Variants in METAP2 observed in about 807,000 individuals in gnomAD.
METAP2 encodes the protein methionyl aminopeptidase 2.
In METAP2, 25 loss-of-function variants were observed where a neutral mutation model predicts 59.4. That is an observed-to-expected ratio of 0.42 (90% CI 0.31 to 0.59). The LOEUF is 0.59. METAP2 is among the 20% of genes least tolerant of loss of function. METAP2 has a pLI of 0.16. For synonymous variants in METAP2, 214 were observed against 194.1 expected, an observed-to-expected ratio of 1.10 and a Z score of -0.85; for missense variants, 366 against 581.2, an observed-to-expected ratio of 0.63 and a Z score of 3.81.
At chr12:95,500,127 C>T (rs548474831) in intron 7 of METAP2, among the ~76,000 whole-genome samples, 1 of 151,312 alleles carries the variant, frequency 6.6e-6, no homozygotes, top group Admixed American at 6.6e-5. Flanking sequence ...TAATGTGTTT[C>T]ACCTTCTTGG....
intron 4 of METAP2, among the ~76,000 whole-genome samples, chr12:95,491,773 A>T (rs181038270): frequency 6.6e-6 from 1 of 150,960 alleles, no homozygotes; most frequent in East Asian, 2.0e-4. Context: ...TGCCCTCCCA[A>T]AGTGCTAGGA....
chr12:95,514,031 A>G lies in METAP2; in HGVS notation c.*127A>G. 2 of 1,158,568 alleles carry G rather than the reference A, an allele frequency of 1.7e-6. No homozygotes were observed. The highest frequency in any genetic ancestry group is 2.3e-6 in the Non-Finnish European group (2 of 852,310). The allele number at this position is 1,158,568 out of a possible 1,614,324, so 71.8% of individuals were successfully genotyped here. On this transcript the variant is annotated 3_prime_UTR_variant, in exon 11 of 11. Transcript: ENST00000323666. ...CCATGTAATACTTTTATCCATGTTT[A>G]AAAAAGAAGGAATTTGGACAAAGGC...
At chr12:95,478,491 G>T (rs1035509852) in intron 2 of METAP2, among the ~76,000 whole-genome samples, 2 of 152,112 alleles carry the variant, frequency 1.3e-5, no homozygotes, top group African/African-American at 2.4e-5. Context: ...AATTAGCCAG[G>T]TGTGGTGGTG....
intron 4 of METAP2, among the ~76,000 whole-genome samples, chr12:95,492,352 G>A (rs1000034352): frequency 2.6e-5 from 4 of 151,908 alleles, no homozygotes; most frequent in Non-Finnish European, 5.9e-5. Context: ...ATAAAATATA[G>A]GAAAATAATA....
chr12:95,483,878 G>A (rs2076177350), intron 3 of METAP2, among the ~76,000 whole-genome samples: 1 of 152,082 alleles, frequency 6.6e-6, no homozygotes, highest in South Asian at 2.1e-4. Context: ...TATTTAATGA[G>A]GAATCCCGTT....
chr12:95,477,937 GT>G (rs760497647), intron 2 of METAP2, among the ~76,000 whole-genome samples: 8 of 152,324 alleles, frequency 5.3e-5, no homozygotes, highest in East Asian at 1.9e-4. Context: ...ACAAGAAAAT[GT>G]TTTGTAAATT....
rs560674684 is a variant in METAP2 at position 95,511,829 on chromosome 12, T to C, written c.965-66T>C. The C allele has an allele frequency of 9.5e-5, 106 of 1,117,236 alleles. No homozygotes were observed. In the African/African-American group the frequency reaches 1.5e-3, roughly 16 times the overall value. 69.2% of individuals were successfully genotyped at this position (1,117,236 alleles called of 1,614,324 possible). A position where few individuals can be genotyped will look rare whatever the true frequency, so the allele number is the denominator to read the frequency against. On this transcript the variant is annotated intron_variant, in intron 8 of 10. Coordinates refer to ENST00000323666, the MANE Select transcript of METAP2 (RefSeq NM_006838.4). ...TAAATGCTTGAACTCTGTACCAAAA[T>C]GTAAGAGATCTGTTTTTGCTTCTTG...
chr12:95,488,526 AAAAAAAAAAAAAAT>A (rs1275234838), intron 4 of METAP2, among the ~76,000 whole-genome samples: 1 of 150,856 alleles, frequency 6.6e-6, no homozygotes, highest in African/African-American at 2.4e-5. Flanking sequence ...AAAAAAAAAA[AAAAAAAAAAAAAAT>A]ACTTCTGAGT....
chr12:95,499,822 A>G (rs935808254), intron 7 of METAP2, among the ~76,000 whole-genome samples: 3 of 152,152 alleles, frequency 2.0e-5, no homozygotes, highest in East Asian at 1.9e-4. Context: ...AATCAAGGCA[A>G]AAGGCAAAGG....
In METAP2 at chr12:95,474,240, G is replaced by T. The variant is rs773037930; in HGVS notation, c.61G>T (p.Asp21Tyr). 1 of 1,614,260 alleles carries T rather than the reference G, an allele frequency of 6.2e-7. No individual in the cohort carries two copies. Among genetic ancestry groups the T allele is most frequent in the Non-Finnish European group, 8.5e-7 (1 of 1,180,042 alleles). Residue 21 changes from aspartate (D) to tyrosine (Y), a missense_variant, in exon 1 of 11, where the codon GAC (aspartate) becomes TAC (tyrosine). Asp to Tyr is a radical substitution (Grantham distance 160). Coordinates refer to ENST00000323666, the MANE Select transcript of METAP2 (RefSeq NM_006838.4). ...GSHLNGDLDP[D>Y]DREEGAASTA... ...CCACCTGAATGGCGACCTGGATCCA[G>T]ACGACAGGGAAGAAGGAGCTGCCTC...
chr12:95,474,935 C>T (rs1308381727), intron 1 of METAP2, among the ~76,000 whole-genome samples: 1 of 152,122 alleles, frequency 6.6e-6, no homozygotes, highest in African/African-American at 2.4e-5. Context: ...CCTGCCTAAT[C>T]CCATAGCATC....
rs769289192 is a variant in METAP2, at chr12:95,495,987, G to A, written c.773-17G>A. On this transcript the variant is annotated splice_polypyrimidine_tract_variant and intron_variant, in intron 6 of 10. Coordinates refer to ENST00000323666, the MANE Select transcript of METAP2 (RefSeq NM_006838.4). Reference sequence around the variant, plus strand: ...CTAGCTGATAAGTAAAATTAAAAGAGGAATTTTCTCTTTCAGGTAGGATTA... The same window carrying A: ...CTAGCTGATAAGTAAAATTAAAAGAAGAATTTTCTCTTTCAGGTAGGATTA... 3 of 1,443,364 alleles carry A rather than the reference G, an allele frequency of 2.1e-6. No homozygotes were observed. The South Asian group carries it at 3.6e-5, about 17-fold the overall frequency. 89.4% of individuals were successfully genotyped at this position (1,443,364 alleles called of 1,614,324 possible). A position where few individuals can be genotyped will look rare whatever the true frequency, so the allele number is the denominator to read the frequency against.
chr12:95,500,231 G>A (rs145262587), intron 7 of METAP2, among the ~76,000 whole-genome samples: 86 of 151,930 alleles, frequency 5.7e-4, no homozygotes, highest in Non-Finnish European at 8.7e-4. Context: ...ATGTAGAAAT[G>A]CAACTGATTT....
Position 95,514,838 on chromosome 12 carries a change from T to C in METAP2, c.*934T>C, listed in dbSNP as rs201699568. 6.6e-6 allele frequency: 1 copy of C among 150,582 alleles called. No individual in the cohort carries two copies. The highest frequency in any genetic ancestry group is 1.5e-5 in the Non-Finnish European group (1 of 68,036). 9.3% of individuals were successfully genotyped at this position (150,582 alleles called of 1,614,324 possible). On this transcript the variant is annotated 3_prime_UTR_variant, in exon 11 of 11. Coordinates refer to ENST00000323666, the MANE Select transcript of METAP2 (RefSeq NM_006838.4). ...AAATTAAGTTGAAATTCTTGGACTTTTTCATTCATGAGGCAAATGCTGTAA... is the reference window on the plus strand; with the variant it reads ...AAATTAAGTTGAAATTCTTGGACTTCTTCATTCATGAGGCAAATGCTGTAA...
intron 9 of METAP2, among the ~76,000 whole-genome samples, chr12:95,512,589 G>A (rs2076411427): frequency 1.3e-5 from 2 of 152,122 alleles, no homozygotes; most frequent in Non-Finnish European, 2.9e-5. Context: ...GCACGTGCCT[G>A]TAGTCCCACC....
chr12:95,507,608 G>A (rs757663807), intron 8 of METAP2, among the ~76,000 whole-genome samples: 8 of 152,154 alleles, frequency 5.3e-5, no homozygotes, highest in African/African-American at 9.7e-5. Flanking sequence ...CAAACACTGC[G>A]TTAAGGATCT....
At chr12:95,494,305 C>A in intron 5 of METAP2, 88 bp downstream of exon 5, 1 of 1,244,544 alleles carries the variant, frequency 8.0e-7, no homozygotes, top group South Asian at 1.5e-5. Flanking sequence ...CTTTCATTAC[C>A]ACTTTGCTAA....
intron 4 of METAP2, among the ~76,000 whole-genome samples, chr12:95,486,647 A>G (rs552542829): frequency 6.6e-6 from 1 of 151,998 alleles, no homozygotes; most frequent in African/African-American, 2.4e-5. Context: ...ACACGCATGC[A>G]CCACCATGCC....
intron 2 of METAP2, among the ~76,000 whole-genome samples, chr12:95,482,528 C>T (rs1178192949): frequency 1.3e-5 from 2 of 151,846 alleles, no homozygotes; most frequent in African/African-American, 4.8e-5. Flanking sequence ...GCCTATAATC[C>T]CAGGACTTGG....
Sources: gnomAD v4.1 joint callset for allele counts (sites outside exome capture counted in the v4.1 genomes callset) on GRCh38, gnomAD v4.1.1 for gene constraint, MANE v1.5 for transcripts, NCBI Gene and HGNC (gene_info 2026-07-23, HGNC 2026-07-21) for gene names.